Variants in CHRM3 observed in about 807,000 individuals in gnomAD.
The protein encoded by CHRM3 is cholinergic receptor muscarinic 3.
A neutral mutation model predicts 41.8 loss-of-function variants in CHRM3; 11 were observed. The observed-to-expected ratio is 0.26, with a 90% CI of 0.17 to 0.44. The LOEUF is 0.44. CHRM3 is among the 20% of genes least tolerant of loss of function. The pLI, the probability that CHRM3 is intolerant of heterozygous loss-of-function variation, is 1.00. For missense variants in CHRM3, 571 were observed against 745.4 expected (o/e 0.77, Z 2.72); for synonymous variants, 297 against 301.4 (o/e 0.99, Z 0.15).
intron 5 of CHRM3, among the ~76,000 whole-genome samples, chr1:239,738,143 A>C (rs2148473793): frequency 6.6e-6 from 1 of 152,316 alleles, no homozygotes; most frequent in African/African-American, 2.4e-5. Context: ...TTCCTCCACT[A>C]TGGCAGGTTT....
chr1:239,686,469 C>A (rs1343430090), intron 5 of CHRM3, among the ~76,000 whole-genome samples: 2 of 152,208 alleles, frequency 1.3e-5, no homozygotes, highest in South Asian at 2.1e-4. Context: ...GTCACCTGTT[C>A]AGTGATGCCT....
chr1:239,398,081 G>A (rs905696176), intron 1 of CHRM3, among the ~76,000 whole-genome samples: 2 of 151,998 alleles, frequency 1.3e-5, no homozygotes, highest in South Asian at 2.1e-4. Flanking sequence ...GGTAGAGGGA[G>A]GACAGGAGTA....
chr1:239,788,872 A>T (rs1445777088), intron 5 of CHRM3, among the ~76,000 whole-genome samples: 1 of 152,230 alleles, frequency 6.6e-6, no homozygotes, highest in Non-Finnish European at 1.5e-5. Context: ...TGTAAAGTAT[A>T]TTTTATGCCA....
intron 4 of CHRM3, among the ~76,000 whole-genome samples, chr1:239,665,717 G>A (rs902379291): frequency 1.3e-5 from 2 of 152,008 alleles, no homozygotes; most frequent in African/African-American, 4.8e-5. Context: ...TCCCCTCCCT[G>A]TGTCCACGTG....
At chr1:239,409,174 A>T (rs1392229702) in intron 1 of CHRM3, among the ~76,000 whole-genome samples, 1 of 152,050 alleles carries the variant, frequency 6.6e-6, no homozygotes, top group South Asian at 2.1e-4. Flanking sequence ...CAAGGCCAGG[A>T]TGTTGCCCTG....
chr1:239,407,442 C>T (rs1238370855), intron 1 of CHRM3, among the ~76,000 whole-genome samples: 2 of 116,574 alleles, frequency 1.7e-5, no homozygotes, highest in African/African-American at 5.3e-5. Flanking sequence ...AGAGAGAGAG[C>T]GCTAAATTTC....
In CHRM3 at chr1:239,387,741, G is replaced by A. The variant is rs913958587; in HGVS notation, c.-521+514G>A. Among the ~76,000 whole-genome samples, 3 of 152,122 alleles carry A rather than the reference G, an allele frequency of 2.0e-5. No homozygotes were observed. The highest frequency in any genetic ancestry group is 7.2e-5 in the African/African-American group (3 of 41,442). ...TCTAAGAAGGCTAAAGCTGGCACCCGCCAACCTCGCAGTGGGGCCGCAAGT... is the reference window on the plus strand; with the variant it reads ...TCTAAGAAGGCTAAAGCTGGCACCCACCAACCTCGCAGTGGGGCCGCAAGT... On this transcript the variant is annotated intron_variant, in intron 1 of 6. Coordinates refer to ENST00000676153, the MANE Select transcript of CHRM3 (RefSeq NM_001375978.1). This position sits in a 1 kb window ranked among gnomAD's most constrained non-coding sequence, Gnocchi z 5.1.
chr1:239,730,407 T>A (rs1244480774), intron 5 of CHRM3: 2 of 151,992 alleles, frequency 1.3e-5, no homozygotes, highest in Non-Finnish European at 2.9e-5. Context: ...CTACCTTTCA[T>A]GTGATGTCGT....
intron 6 of CHRM3, among the ~76,000 whole-genome samples, chr1:239,829,484 C>T (rs1312388442): frequency 6.6e-6 from 1 of 151,780 alleles, no homozygotes; most frequent in Non-Finnish European, 1.5e-5. Context: ...AAGGATTATT[C>T]CAGCAACTTT....
intron 6 of CHRM3, among the ~76,000 whole-genome samples, chr1:239,878,601 A>T (rs927785264): frequency 2.0e-5 from 3 of 146,578 alleles, no homozygotes; most frequent in African/African-American, 5.0e-5. Flanking sequence ...AGTATTTTAA[A>T]TTTTTTTTTT....
intron 5 of CHRM3, among the ~76,000 whole-genome samples, chr1:239,717,356 C>T (rs1416360906): frequency 1.3e-5 from 2 of 152,066 alleles, no homozygotes; most frequent in African/African-American, 4.8e-5. Flanking sequence ...AACAGTTTCA[C>T]AGAGAGTAGT....
At chr1:239,627,868 A>G (rs1669176254) in intron 3 of CHRM3, among the ~76,000 whole-genome samples, 1 of 151,126 alleles carries the variant, frequency 6.6e-6, no homozygotes, top group South Asian at 2.1e-4. Flanking sequence ...CTGCCGAGAG[A>G]TCCGCTGTTA....
intron 1 of CHRM3, among the ~76,000 whole-genome samples, chr1:239,403,173 A>G (rs762968056): frequency 1.3e-5 from 2 of 152,170 alleles, no homozygotes; most frequent in Non-Finnish European, 2.9e-5. Context: ...AGAAGCCACC[A>G]ATTATTTATT....
chr1:239,698,060 A>C (rs1660358908), intron 5 of CHRM3, among the ~76,000 whole-genome samples: 1 of 152,210 alleles, frequency 6.6e-6, no homozygotes, highest in Non-Finnish European at 1.5e-5. Context: ...ATGAAGAATT[A>C]TTCATACACA....
intron 5 of CHRM3, among the ~76,000 whole-genome samples, chr1:239,787,899 T>C (rs901902439): frequency 2.6e-5 from 4 of 152,200 alleles, no homozygotes; most frequent in African/African-American, 9.6e-5. Context: ...ATTCTTACAG[T>C]TGTTATTTCA....
intron 6 of CHRM3, among the ~76,000 whole-genome samples, chr1:239,879,441 TCCATGTGTTAGCTCAGAAG>T (rs1322868511): frequency 1.3e-5 from 2 of 152,210 alleles, no homozygotes; most frequent in Admixed American, 6.5e-5. Flanking sequence ...GGTATTTATA[TCCATGTGTTAGCTCAGAAG>T]CCAACTTTGC....
At position 239,869,581 on chromosome 1, in the gene CHRM3, C is replaced by T. The variant is rs75120683; in HGVS notation, c.-19-37852C>T. Among the ~76,000 whole-genome samples, 901 of 152,170 alleles carry T rather than the reference C, an allele frequency of 5.9e-3. 10 individuals are homozygous for T. The highest frequency in any genetic ancestry group is 0.021 in the African/African-American group (868 of 41,526). On this transcript the variant is annotated intron_variant, in intron 6 of 6. Coordinates refer to ENST00000676153, the MANE Select transcript of CHRM3 (RefSeq NM_001375978.1). ...CCTGTGGCGTGGCCCAGCCTGGAGT[C>T]ACAGATCACACCCTCTGGAATGAGC...
intron 4 of CHRM3, among the ~76,000 whole-genome samples, chr1:239,651,987 T>G (rs116605366): frequency 1.1e-4 from 2 of 17,880 alleles, no homozygotes; most frequent in Admixed American, 8.4e-4. Flanking sequence ...CAGTTTTTGT[T>G]TTTTTTTTTT....
chr1:239,415,261 G>A (rs10925879), intron 1 of CHRM3, among the ~76,000 whole-genome samples: 37,448 of 151,980 alleles, frequency 0.25, 4,901 homozygotes, highest in African/African-American at 0.33. Context: ...CCAACATGGT[G>A]AAACTCCGTC....
Sources: gnomAD v4.1 joint callset for allele counts (sites outside exome capture counted in the v4.1 genomes callset) on GRCh38, gnomAD v4.1.1 for gene constraint, Gnocchi (gnomAD v3.1) non-coding constraint, MANE v1.5 for transcripts, NCBI Gene and HGNC (gene_info 2026-07-23, HGNC 2026-07-21) for gene names.